The following KIF13A variants were observed in gnomAD, a reference collection of about 807,000 sequenced individuals.
KIF13A encodes kinesin-like protein KIF13A.
In KIF13A, 79 loss-of-function variants were observed where a neutral mutation model predicts 212.2. The observed-to-expected ratio is 0.37, with a 90% CI of 0.31 to 0.45. The LOEUF (loss-of-function observed/expected upper bound fraction) is 0.45, where lower values mean the gene tolerates loss of function less well. KIF13A is among the 20% of genes least tolerant of loss of function. The probability of loss-of-function intolerance (pLI) is 1.00; values close to 1 mark genes in which losing one functional copy is unlikely to be tolerated. For missense variants in KIF13A, 1,901 were observed against 2,209.0 expected (o/e 0.86, Z 2.79); for synonymous variants, 789 against 808.6 (o/e 0.98, Z 0.41).
In KIF13A at chr6:17,918,556, C is replaced by A. The variant is rs1045638720; in HGVS notation, c.147-20376G>T. ...CAGGTATCAAGTGGGGAAGCTAATT[C>A]CCACTTCTGGGTCTCAGCAGGTATG... On this transcript the variant is annotated intron_variant, in intron 2 of 38. Transcript: ENST00000259711. This position sits in a 1 kb window ranked among gnomAD's most constrained non-coding sequence, Gnocchi z 4.8. 2.5e-4 allele frequency among the ~76,000 whole-genome samples: 38 copies of A among 152,114 alleles called. No individual in the cohort carries two copies. Among genetic ancestry groups the A allele is most frequent in the Non-Finnish European group, 2.9e-5 (2 of 68,022 alleles).
intron 16 of KIF13A, chr6:17,821,646 C>T: frequency 1.2e-6 from 1 of 835,238 alleles, no homozygotes; most frequent in Non-Finnish European, 1.8e-6. Flanking sequence ...ATACAGAACA[C>T]CTTCATCAGC....
chr6:17,974,250 T>C (rs1361154330), intron 2 of KIF13A, among the ~76,000 whole-genome samples: 1 of 152,140 alleles, frequency 6.6e-6, no homozygotes, highest in Non-Finnish European at 1.5e-5. Context: ...CCCGGCTTTT[T>C]TGTATTTTTA....
At chr6:17,891,466 C>T (rs1443024640) in intron 3 of KIF13A, among the ~76,000 whole-genome samples, 1 of 152,186 alleles carries the variant, frequency 6.6e-6, no homozygotes, top group Non-Finnish European at 1.5e-5. Flanking sequence ...CCTAACACAA[C>T]ACTTAGAAAA....
chr6:17,826,080 C>T lies in KIF13A; in HGVS notation c.1577G>A (p.Trp526Ter). Residue 526 changes from tryptophan (W) to a stop codon, truncating the protein, a stop_gained, in exon 15 of 39, where the codon TGG becomes TAG. Coordinates refer to ENST00000259711, the MANE Select transcript of KIF13A (RefSeq NM_022113.6). LOFTEE classifies it high-confidence loss of function. This position sits in a 1 kb window ranked among gnomAD's most constrained non-coding sequence, Gnocchi z 4.7. Reference protein sequence around the residue: ...GTLVCSTTQLWHGDRILWGNN... With the variant: ...GTLVCSTTQL ...TCCCCATAGGATTCGGTCACCATGC[C>T]ACAGCTGGGTGGTACTGCACACAAG... is the stretch of plus-strand genomic sequence containing the variant. The T allele has an allele frequency of 1.2e-6, 2 of 1,613,956 alleles. No individual in the cohort carries two copies. The highest frequency in any genetic ancestry group is 8.5e-7 in the Non-Finnish European group (1 of 1,179,872).
At chr6:17,954,112 T>A (rs1778126938) in intron 2 of KIF13A, among the ~76,000 whole-genome samples, 1 of 151,898 alleles carries the variant, frequency 6.6e-6, no homozygotes, top group Non-Finnish European at 1.5e-5. Context: ...ATCCTGGCTA[T>A]CACGGTGAAA....
chr6:17,790,756 A>G (rs997390784), intron 25 of KIF13A, among the ~76,000 whole-genome samples: 2 of 152,156 alleles, frequency 1.3e-5, no homozygotes, highest in African/African-American at 2.4e-5. Flanking sequence ...AGCTGGGGCA[A>G]CCTCAGGCTA....
intron 2 of KIF13A, among the ~76,000 whole-genome samples, chr6:17,983,518 A>T (rs1203861132): frequency 7.8e-6 from 1 of 128,882 alleles, no homozygotes. Context: ...TTTGAGATGC[A>T]GTCTCACTCC....
At chr6:17,810,242 C>A (rs1435659425) in intron 17 of KIF13A, among the ~76,000 whole-genome samples, 1 of 152,322 alleles carries the variant, frequency 6.6e-6, no homozygotes, top group Non-Finnish European at 1.5e-5. Flanking sequence ...GGCCCTTACA[C>A]CCTTCTCAAT....
downstream of KIF13A, among the ~76,000 whole-genome samples, chr6:17,763,206 C>G (rs1758665121): frequency 6.6e-6 from 1 of 152,176 alleles, no homozygotes; most frequent in African/African-American, 2.4e-5. Context: ...CAATATTAGT[C>G]AGGCACAGTG....
chr6:17,818,088 G>C (rs1764108121), intron 16 of KIF13A, among the ~76,000 whole-genome samples: 1 of 152,206 alleles, frequency 6.6e-6, no homozygotes, highest in Non-Finnish European at 1.5e-5. Flanking sequence ...CACTAAGTGA[G>C]GACAGTGTAG....
At chr6:17,800,362 T>C (rs971675571) in intron 20 of KIF13A, among the ~76,000 whole-genome samples, 4 of 151,716 alleles carry the variant, frequency 2.6e-5, no homozygotes, top group Non-Finnish European at 5.9e-5. Flanking sequence ...TCCTCAAATG[T>C]ATCCTTCCAA....
intron 2 of KIF13A, among the ~76,000 whole-genome samples, chr6:17,906,899 C>A (rs1773551033): frequency 6.6e-6 from 1 of 152,122 alleles, no homozygotes; most frequent in Non-Finnish European, 1.5e-5. Flanking sequence ...AGAGGTAAGA[C>A]ACTCATGGTC....
At position 17,816,858 on chromosome 6, in the gene KIF13A, T is replaced by C. The variant is rs751921327; in HGVS notation, c.2000+162A>G. On this transcript the variant is annotated intron_variant, in intron 17 of 38. Coordinates refer to ENST00000259711, the MANE Select transcript of KIF13A (RefSeq NM_022113.6). The surrounding 1 kb of genome is among the most constrained non-coding windows in gnomAD (Gnocchi z 4.3). ...AACATTATAGTAAACATACTTAGGGTGGACAATATTTGTGAAAGGAAAAGC... is the reference window on the plus strand; with the variant it reads ...AACATTATAGTAAACATACTTAGGGCGGACAATATTTGTGAAAGGAAAAGC... Among the ~76,000 whole-genome samples the C allele has an allele frequency of 1.6e-4, 25 of 152,096 alleles. No individual in the cohort carries two copies. Among genetic ancestry groups the C allele is most frequent in the Non-Finnish European group, 2.8e-4 (19 of 68,004 alleles).
chr6:17,957,400 C>T (rs376361733), intron 2 of KIF13A, among the ~76,000 whole-genome samples: 11 of 152,282 alleles, frequency 7.2e-5, no homozygotes, highest in South Asian at 2.1e-4. Flanking sequence ...TTGCAGACCT[C>T]GCCCTATGTA....
chr6:17,837,703 G>T lies in KIF13A; in HGVS notation c.831-120C>A. The T allele has an allele frequency of 2.9e-6, 2 of 699,278 alleles. No individual in the cohort carries two copies. The highest frequency in any genetic ancestry group is 4.8e-6 in the Non-Finnish European group (2 of 417,788). The allele number at this position is 699,278 out of a possible 1,614,324, so 43.3% of individuals were successfully genotyped here. ...TTGGTGGCTCACGCCCGTAATCCCA[G>T]CACTTTGGGAGGCCAAGGTGGATGA... On this transcript the variant is annotated intron_variant, in intron 9 of 38. Transcript: ENST00000259711. The surrounding 1 kb of genome is among the most constrained non-coding windows in gnomAD (Gnocchi z 5.4).
Position 17,856,053 on chromosome 6 carries a change from C to G in KIF13A, c.290G>C (p.Cys97Ser), listed in dbSNP as rs770464526. Residue 97 changes from cysteine (C) to serine (S), a missense_variant, in exon 5 of 39, where the codon TGT (cysteine) becomes TCT (serine). Around this residue, in one of 5 missense-constraint regions of KIF13A, gnomAD observed 506 missense variants for 637.4 expected, o/e 0.79. Coordinates refer to ENST00000259711, the MANE Select transcript of KIF13A (RefSeq NM_022113.6). This position sits in a 1 kb window ranked among gnomAD's most constrained non-coding sequence, Gnocchi z 4.5. ...ACCTGTCTGTCCATATGCAAAAATA[C>G]ACGCATTATACCCCTGAAAGGCTTT... Reference protein sequence around the residue: ...LEKAFQGYNACIFAYGQTGSG... With the variant: ...LEKAFQGYNASIFAYGQTGSG... 1 of 1,613,176 alleles carries G rather than the reference C, an allele frequency of 6.2e-7. No individual in the cohort carries two copies. The highest frequency in any genetic ancestry group is 1.1e-5 in the South Asian group (1 of 91,030).
At chr6:17,933,152 A>G (rs1776153947) in intron 2 of KIF13A, among the ~76,000 whole-genome samples, 1 of 152,328 alleles carries the variant, frequency 6.6e-6, no homozygotes, top group Non-Finnish European at 1.5e-5. Context: ...GCTGGAGAAC[A>G]TGAATTTAAG....
intron 20 of KIF13A, among the ~76,000 whole-genome samples, chr6:17,801,703 G>A (rs868119665): frequency 1.2e-4 from 18 of 152,134 alleles, no homozygotes; most frequent in South Asian, 2.1e-4. Context: ...TCCCGGGCTC[G>A]CGCAGCTTTT....
At position 17,794,145 on chromosome 6, in the gene KIF13A, T is replaced by G. The variant is rs375397018; in HGVS notation, c.3222+104A>C. On this transcript the variant is annotated intron_variant, in intron 25 of 38. Transcript: ENST00000259711. This position sits in a 1 kb window ranked among gnomAD's most constrained non-coding sequence, Gnocchi z 4.1. ...GATGGAAATGTGAACTGGGGGAAGA[T>G]CTACGGTTAAGGCAAAGAGTTCTGT... The G allele has an allele frequency of 4.7e-6, 4 of 843,092 alleles. No homozygotes were observed. The highest frequency in any genetic ancestry group is 1.7e-5 in the African/African-American group (1 of 60,060). 52.2% of individuals were successfully genotyped at this position (843,092 alleles called of 1,614,324 possible).
Sources: allele counts gnomAD v4.1 joint callset (sites outside exome capture counted in the v4.1 genomes callset), GRCh38; gene constraint gnomAD v4.1.1; regional missense constraint gnomAD v4.1.1; non-coding constraint Gnocchi (gnomAD v3.1); transcripts MANE v1.5; gene names NCBI Gene and HGNC (gene_info 2026-07-23, HGNC 2026-07-21).